Variants in PLXDC2 observed in about 807,000 individuals in gnomAD.
The protein encoded by PLXDC2 is plexin domain containing 2, also known as plexin domain-containing protein 2.
A neutral mutation model predicts 68.9 loss-of-function variants in PLXDC2; 40 were observed. That is an observed-to-expected ratio of 0.58 (90% CI 0.45 to 0.76). PLXDC2 has a LOEUF of 0.76. Ranked by LOEUF, PLXDC2 falls within the 30% of genes least tolerant of loss-of-function variation. PLXDC2 has a pLI of 0.00. For missense variants in PLXDC2, 644 were observed against 661.9 expected (o/e 0.97, Z 0.30); for synonymous variants, 243 against 234.2 (o/e 1.04, Z -0.34).
At chr10:20,121,824 G>A (rs1365295225) in intron 4 of PLXDC2, among the ~76,000 whole-genome samples, 4 of 152,104 alleles carry the variant, frequency 2.6e-5, no homozygotes, top group Non-Finnish European at 5.9e-5. Flanking sequence ...TGTAAGGAGA[G>A]TTTATAGGCT....
intron 1 of PLXDC2, among the ~76,000 whole-genome samples, chr10:19,845,020 T>A (rs1235616618): frequency 1.3e-5 from 2 of 152,204 alleles, no homozygotes; most frequent in East Asian, 1.9e-4. Flanking sequence ...TCACTTGTTA[T>A]GTGTGGTAGG....
rs1034224512 is a variant in PLXDC2, at chr10:20,005,225, C to A, written c.324+3239C>A. Among the ~76,000 whole-genome samples the A allele has an allele frequency of 3.9e-5, 6 of 152,168 alleles. No individual in the cohort carries two copies. The East Asian group carries it at 7.7e-4, about 20-fold the overall frequency. On this transcript the variant is annotated intron_variant, in intron 2 of 13. Coordinates refer to ENST00000377252, the MANE Select transcript of PLXDC2 (RefSeq NM_032812.9). ...ATTATGTAGTGATTTTGAACAGCAG[C>A]AGCCCATGAGTATCCATAGGAGGGT...
In PLXDC2 at chr10:20,222,776, C is replaced by T. The variant is rs376816293; in HGVS notation, c.1312+3674C>T. ...GCTGAGGCAGGAGGATTGTATGAGC[C>T]CAGGAGCTCAAGGCCAAACTGGGCA... On this transcript the variant is annotated intron_variant, in intron 12 of 13. Coordinates refer to ENST00000377252, the MANE Select transcript of PLXDC2 (RefSeq NM_032812.9). Among the ~76,000 whole-genome samples the T allele has an allele frequency of 1.7e-4, 26 of 151,888 alleles. 1 individual carries two copies. The East Asian group carries it at 4.1e-3, about 24-fold the overall frequency.
chr10:20,207,569 T>C (rs897254181), intron 9 of PLXDC2, among the ~76,000 whole-genome samples: 1 of 152,200 alleles, frequency 6.6e-6, no homozygotes, highest in African/African-American at 2.4e-5. Context: ...GTTTTTTTCT[T>C]CTGTAGAAAA....
intron 1 of PLXDC2, among the ~76,000 whole-genome samples, chr10:19,825,420 G>C (rs1057123056): frequency 1.3e-5 from 2 of 152,062 alleles, no homozygotes; most frequent in Admixed American, 6.6e-5. Context: ...AAATAAAACT[G>C]ATATATTCTC....
intron 1 of PLXDC2, among the ~76,000 whole-genome samples, chr10:19,924,802 T>C (rs916280317): frequency 6.6e-6 from 1 of 152,174 alleles, no homozygotes; most frequent in Non-Finnish European, 1.5e-5. Flanking sequence ...ATTTATAAAA[T>C]AGATATTGGT....
At chr10:19,829,007 G>C (rs999459672) in intron 1 of PLXDC2, among the ~76,000 whole-genome samples, 1 of 151,946 alleles carries the variant, frequency 6.6e-6, no homozygotes, top group Non-Finnish European at 1.5e-5. Context: ...GTGCCTTTCC[G>C]TTGCTCTCAT....
intron 13 of PLXDC2, among the ~76,000 whole-genome samples, chr10:20,270,802 G>T (rs888494442): frequency 2.1e-4 from 32 of 152,060 alleles, no homozygotes; most frequent in Admixed American, 1.3e-4. Flanking sequence ...AATTACAGGT[G>T]TGAGCCATCG....
rs367992925 is a variant in PLXDC2 at position 19,904,435 on chromosome 10, C to T, written c.112+87244C>T. On this transcript the variant is annotated intron_variant, in intron 1 of 13. Transcript: ENST00000377252. The stretch of plus-strand genomic sequence containing the variant: ...TCTCAGGCCTCACCCCACTCCCACA[C>T]AGCCCACAGTCCCAAAAGCTGGTCT... Among the ~76,000 whole-genome samples, 21 of 152,240 alleles carry T rather than the reference C, an allele frequency of 1.4e-4. No homozygotes were observed. The East Asian group carries it at 3.7e-3, about 27-fold the overall frequency.
At chr10:20,161,968 G>A (rs1834298384) in intron 6 of PLXDC2, among the ~76,000 whole-genome samples, 1 of 151,538 alleles carries the variant, frequency 6.6e-6, no homozygotes, top group Admixed American at 6.6e-5. Flanking sequence ...GAGGTGGTGA[G>A]ACAAGATTGT....
intron 13 of PLXDC2, among the ~76,000 whole-genome samples, chr10:20,269,651 T>C (rs1015419015): frequency 6.6e-6 from 1 of 152,160 alleles, no homozygotes; most frequent in Non-Finnish European, 1.5e-5. Context: ...GAAGATATGG[T>C]AGGCTTTGAA....
rs33953625 is a variant in PLXDC2, at chr10:19,931,952, A to AGTGTGT, written c.113-69800_113-69795dup. Among the ~76,000 whole-genome samples, 1,267 of 149,736 alleles carry AGTGTGT rather than the reference A, an allele frequency of 8.5e-3. 9 individuals are homozygous for AGTGTGT. Among genetic ancestry groups the AGTGTGT allele is most frequent in the African/African-American group, 0.026 (1,072 of 40,600 alleles). ...ACAGGAAATATCTTCTAATTTGGGA[A>AGTGTGT]GTGTGTGTGTGTGTGTGTGTGTGTG... On this transcript the variant is annotated intron_variant, in intron 1 of 13. Transcript: ENST00000377252.
At chr10:20,126,276 T>TAC (rs1237925746) in intron 4 of PLXDC2, among the ~76,000 whole-genome samples, 1 of 146,948 alleles carries the variant, frequency 6.8e-6, no homozygotes, top group Non-Finnish European at 1.5e-5. Context: ...AATACATATA[T>TAC]ACATATACGT....
At chr10:19,965,769 A>G (rs1230628037) in intron 1 of PLXDC2, among the ~76,000 whole-genome samples, 2 of 152,006 alleles carry the variant, frequency 1.3e-5, no homozygotes, top group Admixed American at 6.6e-5. Context: ...TATGAATCTC[A>G]GAAATCAAGA....
chr10:20,217,453 G>C lies in PLXDC2; in HGVS notation c.1150G>C (p.Glu384Gln), dbSNP rs568787952. The part of the protein sequence containing the change: ...ESKEKMCENT[E>Q]PVETSSRTTT... ...AAAAGAGAAGATGTGTGAGAATACA[G>C]AACCAGTGGAAACTTCTTCTCGAAC... Residue 384 changes from glutamate to glutamine, a missense_variant, in exon 11 of 14, where the codon GAA becomes CAA. Physicochemically the swap from Glu to Gln is conservative, Grantham distance 29 (BLOSUM62 2). Transcript: ENST00000377252. The C allele has an allele frequency of 6.2e-7, 1 of 1,612,376 alleles. No individual in the cohort carries two copies. The highest frequency in any genetic ancestry group is 1.7e-5 in the Admixed American group (1 of 59,892).
intron 12 of PLXDC2, among the ~76,000 whole-genome samples, chr10:20,244,941 C>A (rs1835569093): frequency 6.6e-6 from 1 of 152,052 alleles, no homozygotes; most frequent in African/African-American, 2.4e-5. Context: ...ATGGTGAAAT[C>A]CCATCTCCAC....
Position 20,279,903 on chromosome 10 carries a change from A to G in PLXDC2, c.*84A>G. The G allele has an allele frequency of 1.0e-6, 1 of 976,964 alleles. No individual in the cohort carries two copies. Among genetic ancestry groups the G allele is most frequent in the Non-Finnish European group, 1.6e-6 (1 of 617,144 alleles). 60.5% of individuals were successfully genotyped at this position (976,964 alleles called of 1,614,324 possible). ...CCTATACCTTTAAGACAAACAAACAAACACACACACAAACAAGCTCTAAGC... is the reference window on the plus strand; with the variant it reads ...CCTATACCTTTAAGACAAACAAACAGACACACACACAAACAAGCTCTAAGC... On this transcript the variant is annotated 3_prime_UTR_variant, in exon 14 of 14. Transcript: ENST00000377252.
intron 1 of PLXDC2, among the ~76,000 whole-genome samples, chr10:19,877,931 T>A (rs1417245606): frequency 2.0e-5 from 3 of 152,222 alleles, no homozygotes; most frequent in Non-Finnish European, 4.4e-5. Context: ...AGAAAGTAAG[T>A]GCCTTGGTGA....
At chr10:20,214,539 A>G (rs1054828140) in intron 10 of PLXDC2, among the ~76,000 whole-genome samples, 4 of 152,092 alleles carry the variant, frequency 2.6e-5, no homozygotes, top group African/African-American at 9.7e-5. Context: ...AACTTCCCTT[A>G]ATGTATACAG....
Sources: gnomAD v4.1 joint callset for allele counts (sites outside exome capture counted in the v4.1 genomes callset) on GRCh38, gnomAD v4.1.1 for gene constraint, MANE v1.5 for transcripts, NCBI Gene and HGNC (gene_info 2026-07-23, HGNC 2026-07-21) for gene names.